Variants in TRIM2 observed in about 807,000 individuals in gnomAD.
TRIM2 encodes tripartite motif containing 2, also known as tripartite motif-containing protein 2.
A neutral mutation model predicts 75.2 loss-of-function variants in TRIM2; 20 were observed. The ratio of observed to expected loss-of-function variants is 0.27; its 90% CI spans 0.19 to 0.39. The LOEUF (loss-of-function observed/expected upper bound fraction) is 0.39. TRIM2 is among the 10% of genes least tolerant of loss of function. The probability of loss-of-function intolerance (pLI) is 1.00; values close to 1 mark genes in which losing one functional copy is unlikely to be tolerated. For missense variants in TRIM2, 660 were observed against 990.8 expected (o/e 0.67, Z 4.48); for synonymous variants, 373 against 388.3 (o/e 0.96, Z 0.46).
intron 1 of TRIM2, among the ~76,000 whole-genome samples, chr4:153,210,669 G>A (rs1267636010): frequency 1.3e-5 from 2 of 152,126 alleles, no homozygotes; most frequent in Admixed American, 6.5e-5. Context: ...CATTTTTAAC[G>A]AAACAGCAGC....
intron 1 of TRIM2, among the ~76,000 whole-genome samples, chr4:153,159,747 T>C (rs1055050896): frequency 2.0e-5 from 3 of 152,238 alleles, no homozygotes; most frequent in African/African-American, 7.2e-5. Context: ...TCTCCCAAGA[T>C]GGTTTGTCAG....
At chr4:153,289,926 C>T (rs981589062) in intron 3 of TRIM2, among the ~76,000 whole-genome samples, 1 of 152,218 alleles carries the variant, frequency 6.6e-6, no homozygotes, top group Admixed American at 6.5e-5. Context: ...GAAGTCTTTT[C>T]ACATTCTGTT....
rs115049138 is a variant in TRIM2, at chr4:153,239,982, G to A, written c.31-30353G>A. ...CCCGAGTAGTTGGGACTGCATCCAC[G>A]CGCCACACGCCCAGCTAATTTTTCT... is the stretch of plus-strand genomic sequence containing the variant. On this transcript the variant is annotated intron_variant, in intron 1 of 11. Transcript: ENST00000338700. 6.2e-3 allele frequency among the ~76,000 whole-genome samples: 935 copies of A among 151,868 alleles called. 11 individuals carry two copies. Among genetic ancestry groups the A allele is most frequent in the African/African-American group, 0.021 (871 of 41,382 alleles).
At chr4:153,264,574 T>C (rs1754426037) in intron 1 of TRIM2, among the ~76,000 whole-genome samples, 1 of 152,232 alleles carries the variant, frequency 6.6e-6, no homozygotes, top group African/African-American at 2.4e-5. Flanking sequence ...CAGCAAAGCA[T>C]GTATATAAAA....
Position 153,335,599 on chromosome 4 carries a change from TC to T in TRIM2, c.*635del, listed in dbSNP as rs1309106354. The T allele has an allele frequency of 1.0e-6, 1 of 985,312 alleles. No homozygotes were observed. The highest frequency in any genetic ancestry group is 6.2e-5 in the Admixed American group (1 of 16,260). The allele number at this position is 985,312 out of a possible 1,614,324, so 61.0% of individuals were successfully genotyped here. On this transcript the variant is annotated 3_prime_UTR_variant, in exon 12 of 12. Coordinates refer to ENST00000338700, the MANE Select transcript of TRIM2 (RefSeq NM_015271.5). ...TCAACCTTTCTGGGTTAGACAAAGA[TC>T]CTTTTTTGTGTGTTCTTTTCACCAC...
intron 1 of TRIM2, among the ~76,000 whole-genome samples, chr4:153,266,494 C>A (rs1755146769): frequency 2.0e-5 from 3 of 151,998 alleles, no homozygotes; most frequent in Admixed American, 2.0e-4. Context: ...AGGTGCGCAC[C>A]ACCACGCCCA....
At chr4:153,276,952 AT>A (rs1021721299) in intron 3 of TRIM2, among the ~76,000 whole-genome samples, 1 of 152,180 alleles carries the variant, frequency 6.6e-6, no homozygotes, top group Non-Finnish European at 1.5e-5. Flanking sequence ...CAGCTTTAAC[AT>A]TTTTTCATTA....
intron 1 of TRIM2, among the ~76,000 whole-genome samples, chr4:153,252,454 C>T (rs768262687): frequency 1.3e-5 from 2 of 152,204 alleles, no homozygotes; most frequent in Non-Finnish European, 2.9e-5. Flanking sequence ...ACTAAAATAA[C>T]AATGCCTGCT....
chr4:153,327,239 C>G (rs73854657), intron 10 of TRIM2, among the ~76,000 whole-genome samples: 1 of 152,232 alleles, frequency 6.6e-6, no homozygotes, highest in South Asian at 2.1e-4. Flanking sequence ...TTGGCAAGTA[C>G]GTAATGAATT....
intron 3 of TRIM2, among the ~76,000 whole-genome samples, chr4:153,286,781 ACT>A (rs746336996): frequency 0.043 from 2,707 of 63,074 alleles, 71 homozygotes; most frequent in African/African-American, 0.14. Flanking sequence ...CCACCATCTC[ACT>A]CTCTCTCTCT....
At position 153,328,513 on chromosome 4, in the gene TRIM2, A is replaced by T. The variant is rs753149085; in HGVS notation, c.2023-17A>T. On this transcript the variant is annotated splice_polypyrimidine_tract_variant and intron_variant, in intron 10 of 11. Coordinates refer to ENST00000338700, the MANE Select transcript of TRIM2 (RefSeq NM_015271.5). ...ATTTTGATGTAAAACAAAATAATTT[A>T]AAAATATTTCATACAGGTGTTTAAT... 1.3e-6 allele frequency: 2 copies of T among 1,584,134 alleles called. No homozygotes were observed. Among genetic ancestry groups the T allele is most frequent in the Non-Finnish European group, 1.7e-6 (2 of 1,168,832 alleles).
intron 1 of TRIM2, among the ~76,000 whole-genome samples, chr4:153,187,012 A>G (rs1022170001): frequency 3.3e-5 from 5 of 152,248 alleles, no homozygotes; most frequent in African/African-American, 1.2e-4. Flanking sequence ...AAAAATTCAA[A>G]TCATCCTTGT....
At chr4:153,233,980 A>G (rs545093510) in intron 1 of TRIM2, among the ~76,000 whole-genome samples, 2 of 152,304 alleles carry the variant, frequency 1.3e-5, no homozygotes, top group South Asian at 4.1e-4. Flanking sequence ...ATCCTGCTCT[A>G]ATGTAATACC....
intron 1 of TRIM2, among the ~76,000 whole-genome samples, chr4:153,166,511 T>C (rs1730330604): frequency 6.6e-6 from 1 of 150,590 alleles, no homozygotes; most frequent in Non-Finnish European, 1.5e-5. Flanking sequence ...CTCCCTCTTT[T>C]CTTTTCCTTC....
chr4:153,226,190 T>C (rs1742083301), intron 1 of TRIM2, among the ~76,000 whole-genome samples: 2 of 152,232 alleles, frequency 1.3e-5, no homozygotes, highest in South Asian at 4.1e-4. Flanking sequence ...CCTTTGAATC[T>C]CATCTTAATC....
intron 3 of TRIM2, among the ~76,000 whole-genome samples, chr4:153,280,383 C>CTTTTTT (rs1560940764): frequency 1.4e-5 from 1 of 71,182 alleles, no homozygotes; most frequent in African/African-American, 9.2e-5. Flanking sequence ...CCAGCAAATT[C>CTTTTTT]CTTTTTTTTT....
At chr4:153,273,270 C>CTTTTTGTTTTTTTTTTTT (rs1757198739) in intron 2 of TRIM2, among the ~76,000 whole-genome samples, 1 of 57,390 alleles carries the variant, frequency 1.7e-5, no homozygotes, top group Non-Finnish European at 3.2e-5. Context: ...TACAGTCACT[C>CTTTTTGTTTTTTTTTTTT]TTTTTTTTTT....
chr4:153,314,277 G>A (rs893713117), intron 6 of TRIM2, among the ~76,000 whole-genome samples: 3 of 150,610 alleles, frequency 2.0e-5, no homozygotes, highest in Non-Finnish European at 2.9e-5. Flanking sequence ...AAAATTAGCC[G>A]GGCGTAGTGG....
rs147419316 is a variant in TRIM2, at chr4:153,313,604, C to T, written c.1511-1881C>T. Among the ~76,000 whole-genome samples, 80 of 148,496 alleles carry T rather than the reference C, an allele frequency of 5.4e-4. No individual in the cohort carries two copies. In the East Asian group the frequency reaches 0.014, roughly 26 times the overall value. On this transcript the variant is annotated intron_variant, in intron 6 of 11. Transcript: ENST00000338700. ...CTTTCCTAAGGCACTGCATTGATGT[C>T]GAAAAACAAAATAGCAATGGCTCTT... is the stretch of plus-strand genomic sequence containing the variant.
Sources: gnomAD v4.1 joint callset for allele counts (sites outside exome capture counted in the v4.1 genomes callset) on GRCh38, gnomAD v4.1.1 for gene constraint, MANE v1.5 for transcripts, NCBI Gene and HGNC (gene_info 2026-07-23, HGNC 2026-07-21) for gene names.